Variants in THSD7B observed in about 807,000 individuals in gnomAD.
THSD7B encodes the protein thrombospondin type-1 domain-containing protein 7B.
THSD7B carries 138 observed loss-of-function variants against 213.6 expected under a neutral mutation model. That is an observed-to-expected ratio of 0.65 (90% CI 0.56 to 0.74). The LOEUF (loss-of-function observed/expected upper bound fraction) is 0.74. THSD7B is among the 30% of genes least tolerant of loss of function. The pLI is 0.00. For missense variants in THSD7B, 1,931 were observed against 1,991.5 expected (o/e 0.97, Z 0.58); for synonymous variants, 742 against 687.0 (o/e 1.08, Z -1.25).
chr2:137,117,374 G>A (rs1484459871), intron 5 of THSD7B, among the ~76,000 whole-genome samples: 1 of 152,086 alleles, frequency 6.6e-6, no homozygotes, highest in Non-Finnish European at 1.5e-5. Flanking sequence ...AGTGAAGTAA[G>A]CAGAATATAA....
rs185943144 is a variant in THSD7B, at chr2:137,546,235, G to A, written c.3139-16986G>A. Among the ~76,000 whole-genome samples the A allele has an allele frequency of 2.1e-5, 3 of 143,490 alleles. No homozygotes were observed. The East Asian group carries it at 6.3e-4, about 30-fold the overall frequency. The allele number at this position is 143,490 out of a possible 152,430, so 94.1% of individuals were successfully genotyped here. On this transcript the variant is annotated intron_variant, in intron 15 of 27. Coordinates refer to ENST00000409968, the MANE Select transcript of THSD7B (RefSeq NM_001316349.2). ...TGCTGATCTCATAAAATTAATAACA[G>A]TGGGCAAAAGTTTTAGCTTCAGGTG...
intron 12 of THSD7B, among the ~76,000 whole-genome samples, chr2:137,370,290 A>G (rs1322702286): frequency 6.6e-6 from 1 of 152,138 alleles, no homozygotes; most frequent in Non-Finnish European, 1.5e-5. Context: ...ATACATGCCC[A>G]TAATTTGAAA....
intron 1 of THSD7B, among the ~76,000 whole-genome samples, chr2:136,869,046 T>C (rs1456404387): frequency 2.0e-5 from 3 of 152,154 alleles, no homozygotes; most frequent in Non-Finnish European, 4.4e-5. Context: ...CTAGGTTATG[T>C]TTTTTGATAT....
At chr2:137,000,409 CAT>C (rs1217060399) in intron 2 of THSD7B, among the ~76,000 whole-genome samples, 4 of 152,020 alleles carry the variant, frequency 2.6e-5, no homozygotes, top group African/African-American at 9.7e-5. Flanking sequence ...TTAAAGGTGA[CAT>C]ATTTTAATAT....
chr2:137,196,235 G>T (rs560332706), intron 7 of THSD7B, among the ~76,000 whole-genome samples: 1 of 152,130 alleles, frequency 6.6e-6, no homozygotes, highest in Non-Finnish European at 1.5e-5. Flanking sequence ...AAAGCCCTCC[G>T]GCAGAATGCC....
At chr2:136,850,679 A>G (rs1683084295) in intron 1 of THSD7B, among the ~76,000 whole-genome samples, 1 of 151,968 alleles carries the variant, frequency 6.6e-6, no homozygotes, top group African/African-American at 2.4e-5. Context: ...GTTGCTTGGC[A>G]ATGAATACAG....
intron 15 of THSD7B, among the ~76,000 whole-genome samples, chr2:137,464,381 G>A (rs1410988951): frequency 6.6e-6 from 1 of 152,052 alleles, no homozygotes. Flanking sequence ...AGGAAAGTGA[G>A]TAGGAAGTGT....
chr2:137,114,989 ACTT>A, intron 4 of THSD7B, 132 bp from the exon 5 acceptor site: 1 of 884,254 alleles, frequency 1.1e-6, no homozygotes, highest in Non-Finnish European at 1.7e-6. Context: ...AAGCTAGTAT[ACTT>A]CTTTATCCAC....
At chr2:136,766,130 G>A (rs774106871) in intron 1 of THSD7B, among the ~76,000 whole-genome samples, 2 of 152,238 alleles carry the variant, frequency 1.3e-5, no homozygotes, top group East Asian at 1.9e-4. Context: ...AAGGCCGGGA[G>A]TTGTTCTGCA....
intron 2 of THSD7B, among the ~76,000 whole-genome samples, chr2:137,031,552 AG>A (rs1451775915): frequency 6.6e-6 from 1 of 152,164 alleles, no homozygotes; most frequent in Admixed American, 6.6e-5. Flanking sequence ...GTACATATCT[AG>A]GGACCAGCAC....
chr2:136,922,418 AG>A (rs767452452), intron 2 of THSD7B, among the ~76,000 whole-genome samples: 3 of 152,202 alleles, frequency 2.0e-5, no homozygotes, highest in Non-Finnish European at 4.4e-5. Flanking sequence ...GAGAGAGAAA[AG>A]GAGGTGTGTT....
chr2:137,465,699 A>G (rs1458759105), intron 15 of THSD7B, among the ~76,000 whole-genome samples: 2 of 152,064 alleles, frequency 1.3e-5, no homozygotes, highest in Non-Finnish European at 2.9e-5. Flanking sequence ...TATCAGTAAC[A>G]TGGGTGTGTA....
intron 27 of THSD7B, among the ~76,000 whole-genome samples, chr2:137,674,104 G>A (rs968193443): frequency 1.3e-5 from 2 of 152,174 alleles, no homozygotes. Context: ...TCTCCCAGGT[G>A]ATAGTATTGT....
At chr2:137,535,274 G>A (rs188407681) in intron 15 of THSD7B, among the ~76,000 whole-genome samples, 43 of 151,718 alleles carry the variant, frequency 2.8e-4, no homozygotes, top group Admixed American at 2.7e-3. Flanking sequence ...GAAGTATAGA[G>A]GAGGTATATG....
At chr2:137,587,394 T>C (rs1175565911) in intron 17 of THSD7B, among the ~76,000 whole-genome samples, 1 of 152,212 alleles carries the variant, frequency 6.6e-6, no homozygotes, top group Admixed American at 6.5e-5. Flanking sequence ...TGTGTTCCTT[T>C]GGAGGGGGAG....
At chr2:136,841,344 C>T (rs1228961278) in intron 1 of THSD7B, among the ~76,000 whole-genome samples, 1 of 151,770 alleles carries the variant, frequency 6.6e-6, no homozygotes, top group African/African-American at 2.4e-5. Flanking sequence ...GACGGTAATC[C>T]CAGCACTTTG....
intron 5 of THSD7B, among the ~76,000 whole-genome samples, chr2:137,159,091 G>A (rs537305843): frequency 4.6e-5 from 7 of 152,078 alleles, no homozygotes; most frequent in African/African-American, 1.7e-4. Context: ...ACAAGGATTG[G>A]GATCTTATCT....
At chr2:136,905,664 C>T (rs473528) in intron 2 of THSD7B, among the ~76,000 whole-genome samples, 150,662 of 152,338 alleles carry the variant, frequency 0.99, 74,524 homozygotes, top group East Asian at 1. Flanking sequence ...TACAATACTG[C>T]CTATCAGGAA....
intron 12 of THSD7B, among the ~76,000 whole-genome samples, chr2:137,292,987 C>T (rs1307164765): frequency 6.6e-6 from 1 of 152,116 alleles, no homozygotes; most frequent in Non-Finnish European, 1.5e-5. Context: ...TGCGTGCCCT[C>T]TCCTTGCCAT....
Sources: gnomAD v4.1 joint callset for allele counts (sites outside exome capture counted in the v4.1 genomes callset) on GRCh38, gnomAD v4.1.1 for gene constraint, MANE v1.5 for transcripts, NCBI Gene and HGNC (gene_info 2026-07-23, HGNC 2026-07-21) for gene names.